Variants in SLC1A4 observed in about 807,000 individuals in gnomAD.
SLC1A4 encodes the protein neutral amino acid transporter A.
Under a neutral mutation model 37.7 loss-of-function variants are expected in SLC1A4, and 19 were observed. The ratio of observed to expected loss-of-function variants is 0.50; its 90% CI spans 0.35 to 0.74. The LOEUF (loss-of-function observed/expected upper bound fraction) is 0.74, where lower values mean the gene tolerates loss of function less well. SLC1A4 is among the 30% of genes least tolerant of loss of function. The pLI, the probability that SLC1A4 is intolerant of heterozygous loss-of-function variation, is 0.01. For missense variants in SLC1A4, 570 were observed against 712.9 expected, an observed-to-expected ratio of 0.80 and a Z score of 2.28; for synonymous variants, 299 against 309.8, an observed-to-expected ratio of 0.97 and a Z score of 0.37.
chr2:65,014,081 G>C (rs72818268), intron 4 of SLC1A4, among the ~76,000 whole-genome samples: 27,071 of 152,080 alleles, frequency 0.18, 2,564 homozygotes, highest in Middle Eastern at 0.23. Flanking sequence ...AGAAAATATA[G>C]AGGCAGGGAA....
rs916678622 is a variant in SLC1A4 at position 65,017,582 on chromosome 2, C to A, written c.1035-489C>A. On this transcript the variant is annotated intron_variant, in intron 5 of 7. Transcript: ENST00000234256. ...GCTGCACCAACTAACCTCTGCAGAG[C>A]CCGCAGAGCCAGCTAGAGGGAGCAG... Among the ~76,000 whole-genome samples, 4 of 152,140 alleles carry A rather than the reference C, an allele frequency of 2.6e-5. No individual in the cohort carries two copies. In the East Asian group the frequency reaches 7.7e-4, roughly 29 times the overall value.
chr2:64,998,613 G>A (rs1020071000), intron 1 of SLC1A4, among the ~76,000 whole-genome samples: 8 of 152,160 alleles, frequency 5.3e-5, no homozygotes, highest in Non-Finnish European at 1.0e-4. Context: ...TAGACAGTCT[G>A]AAAACAGGTC....
chr2:65,018,377 G>T lies in SLC1A4; in HGVS notation c.1229+112G>T. On this transcript the variant is annotated intron_variant, in intron 6 of 7. Transcript: ENST00000234256. The surrounding 1 kb of genome is among the most constrained non-coding windows in gnomAD (Gnocchi z 4.3). ...TCTCGCTCATAAAATGAGGACAGTG[G>T]GGATTCATTACTTGAAGAGCGTGTG... 7.3e-7 allele frequency: 1 copy of T among 1,377,014 alleles called. No homozygotes were observed. Among genetic ancestry groups the T allele is most frequent in the South Asian group, 1.3e-5 (1 of 75,540 alleles). The allele number at this position is 1,377,014 out of a possible 1,614,324, so 85.3% of individuals were successfully genotyped here. A position where few individuals can be genotyped will look rare whatever the true frequency, so the allele number is the denominator to read the frequency against.
chr2:65,009,543 A>G (rs1405436990), intron 3 of SLC1A4, among the ~76,000 whole-genome samples: 3 of 152,242 alleles, frequency 2.0e-5, no homozygotes. Context: ...TAATTTGGAA[A>G]TTAGAAAAGT....
At chr2:65,002,576 T>TA (rs1455236954) in intron 2 of SLC1A4, among the ~76,000 whole-genome samples, 1 of 117,314 alleles carries the variant, frequency 8.5e-6, no homozygotes, top group Non-Finnish European at 1.8e-5. Context: ...CATTCTTTTT[T>TA]TTTTTTTTTT....
At chr2:65,015,952 G>A (rs187466369) in intron 4 of SLC1A4, among the ~76,000 whole-genome samples, 1 of 152,308 alleles carries the variant, frequency 6.6e-6, no homozygotes, top group East Asian at 1.9e-4. Context: ...GAATCATGTT[G>A]TCTAAGCCAC....
At chr2:65,002,570 CTTTTTTTT>C (rs70937394) in intron 2 of SLC1A4, among the ~76,000 whole-genome samples, 4 of 59,048 alleles carry the variant, frequency 6.8e-5, no homozygotes, top group East Asian at 1.5e-3. Flanking sequence ...TGTGACCATT[CTTTTTTTT>C]TTTTTTTTTT....
At position 65,018,407 on chromosome 2, in the gene SLC1A4, C is replaced by A; in HGVS notation, c.1230-138C>A. On this transcript the variant is annotated intron_variant, in intron 6 of 7. Transcript: ENST00000234256. The surrounding 1 kb of genome is among the most constrained non-coding windows in gnomAD (Gnocchi z 4.3). Reference sequence around the variant, plus strand: ...TCATTACTTGAAGAGCGTGTGTTGACTCTCAAGGGCGTAGCCAGCAGAGCC... The same window carrying A: ...TCATTACTTGAAGAGCGTGTGTTGAATCTCAAGGGCGTAGCCAGCAGAGCC... 1.4e-6 allele frequency: 2 copies of A among 1,389,178 alleles called. No homozygotes were observed. The highest frequency in any genetic ancestry group is 1.3e-5 in the South Asian group (1 of 74,318). The allele number at this position is 1,389,178 out of a possible 1,614,324, so 86.1% of individuals were successfully genotyped here. A position where few individuals can be genotyped will look rare whatever the true frequency, so the allele number is the denominator to read the frequency against.
At position 65,016,897 on chromosome 2, in the gene SLC1A4, C is replaced by T. The variant is rs1292429753; in HGVS notation, c.1034+224C>T. On this transcript the variant is annotated intron_variant, in intron 5 of 7. Coordinates refer to ENST00000234256, the MANE Select transcript of SLC1A4 (RefSeq NM_003038.5). ...CTGGGCTCAAGTGATCCTCCCACCT[C>T]GGCCTTCCGAATAGCTGTGATTACA... 2.0e-5 allele frequency among the ~76,000 whole-genome samples: 3 copies of T among 152,238 alleles called. No individual in the cohort carries two copies. The East Asian group carries it at 5.8e-4, about 29-fold the overall frequency.
chr2:65,010,570 C>T (rs1429182507), intron 3 of SLC1A4, 27 bp from the exon 4 acceptor site: 2 of 1,567,240 alleles, frequency 1.3e-6, no homozygotes, highest in East Asian at 2.3e-5. Context: ...CTGTTGTAAA[C>T]TTGTTCTATC....
At chr2:64,988,794 C>G (rs1262910657), upstream of SLC1A4, among the ~76,000 whole-genome samples, 2 of 152,152 alleles carry the variant, frequency 1.3e-5, no homozygotes, top group Non-Finnish European at 2.9e-5. Flanking sequence ...GGGGACGCGA[C>G]GGCAGGACCG....
intron 2 of SLC1A4, among the ~76,000 whole-genome samples, chr2:65,002,567 A>ATTTTTTTTT (rs1324825931): frequency 2.6e-5 from 3 of 115,524 alleles, no homozygotes; most frequent in African/African-American, 3.6e-5. Context: ...TCCTGTGACC[A>ATTTTTTTTT]TTCTTTTTTT....
intron 3 of SLC1A4, 119 bp downstream of exon 3, chr2:65,004,134 G>A (rs1220627552): frequency 1.0e-5 from 8 of 784,828 alleles, no homozygotes; most frequent in African/African-American, 5.2e-5. Flanking sequence ...CTATTGGAGC[G>A]AACAGGTTAG....
intron 4 of SLC1A4, 54 bp downstream of exon 4, chr2:65,010,817 A>G (rs777084684): frequency 1.1e-5 from 17 of 1,562,690 alleles, no homozygotes; most frequent in African/African-American, 1.4e-5. Flanking sequence ...CCATCCAGAA[A>G]AGAGTCCACC....
upstream of SLC1A4, among the ~76,000 whole-genome samples, chr2:64,988,885 G>A (rs1672909878): frequency 6.8e-6 from 1 of 146,546 alleles, no homozygotes; most frequent in Admixed American, 6.7e-5. Context: ...CGCGCGGGGC[G>A]AAAGCGCCAC....
intron 1 of SLC1A4, among the ~76,000 whole-genome samples, chr2:64,991,105 C>T (rs891948528): frequency 3.9e-5 from 6 of 152,162 alleles, no homozygotes; most frequent in African/African-American, 1.4e-4. Context: ...ATTTTGGATT[C>T]TGAGCCTTGG....
chr2:65,016,720 GGAACCAGGTGA>G, intron 5 of SLC1A4, 47 bp downstream of exon 5: 1 of 1,294,040 alleles, frequency 7.7e-7, no homozygotes, highest in Non-Finnish European at 1.1e-6. Flanking sequence ...ATGTTAACAT[GGAACCAGGTGA>G]GCCCAGTGGT....
intron 4 of SLC1A4, among the ~76,000 whole-genome samples, chr2:65,016,092 G>A (rs887041817): frequency 6.6e-6 from 1 of 152,192 alleles, no homozygotes; most frequent in Non-Finnish European, 1.5e-5. Context: ...CAAAAGTCAG[G>A]CTTACAGTCC....
At chr2:64,999,940 T>C (rs1673399174) in intron 1 of SLC1A4, 1 of 152,144 alleles carries the variant, frequency 6.6e-6, no homozygotes, top group Non-Finnish European at 1.5e-5. Flanking sequence ...ACTAAAGGGA[T>C]TACCCAAAGG....
Sources: gnomAD v4.1 joint callset for allele counts (sites outside exome capture counted in the v4.1 genomes callset) on GRCh38, gnomAD v4.1.1 for gene constraint, Gnocchi (gnomAD v3.1) non-coding constraint, MANE v1.5 for transcripts, NCBI Gene and HGNC (gene_info 2026-07-23, HGNC 2026-07-21) for gene names.